Variants in PRKN observed in about 807,000 individuals in gnomAD.
PRKN encodes E3 ubiquitin-protein ligase parkin.
PRKN carries 56 observed loss-of-function variants against 59.5 expected under a neutral mutation model. The observed-to-expected ratio is 0.94, with a 90% CI of 0.76 to 1.18. The LOEUF is 1.18. Among genes scored for constraint, PRKN ranks in the 50% most tolerant of loss-of-function variants. The probability of loss-of-function intolerance (pLI) is 0.00; values close to 1 mark genes in which losing one functional copy is unlikely to be tolerated. For missense variants in PRKN, 657 were observed against 596.4 expected (o/e 1.10, Z -1.06); for synonymous variants, 250 against 222.1 (o/e 1.13, Z -1.12).
At chr6:161,591,014 T>C (rs1213227873) in intron 7 of PRKN, among the ~76,000 whole-genome samples, 4 of 152,172 alleles carry the variant, frequency 2.6e-5, no homozygotes, top group Admixed American at 6.5e-5. Context: ...TCAATGCTAA[T>C]TTCCTGACTT....
chr6:162,234,030 A>C (rs957906292), intron 3 of PRKN, among the ~76,000 whole-genome samples: 4 of 152,246 alleles, frequency 2.6e-5, no homozygotes, highest in African/African-American at 9.6e-5. Flanking sequence ...AGAGTTGATG[A>C]CAAAAATAAA....
At chr6:161,615,547 A>G (rs1782661756) in intron 7 of PRKN, among the ~76,000 whole-genome samples, 1 of 152,194 alleles carries the variant, frequency 6.6e-6, no homozygotes, top group South Asian at 2.1e-4. Flanking sequence ...TAAACTACCA[A>G]TGCATCCAAC....
At chr6:162,341,951 G>A (rs776029332) in intron 2 of PRKN, among the ~76,000 whole-genome samples, 4 of 151,212 alleles carry the variant, frequency 2.6e-5, no homozygotes, top group Non-Finnish European at 5.9e-5. Context: ...AAAGTCAAAT[G>A]TTCTTCTAAA....
chr6:162,234,505 A>T (rs1028210871), intron 3 of PRKN, among the ~76,000 whole-genome samples: 2 of 152,148 alleles, frequency 1.3e-5, no homozygotes, highest in Admixed American at 1.3e-4. Context: ...GCCCATGGAT[A>T]CGACGGTCTG....
At position 162,553,542 on chromosome 6, in the gene PRKN, CAAA is replaced by C. The variant is rs57807120; in HGVS notation, c.8-110072_8-110070del. On this transcript the variant is annotated intron_variant, in intron 1 of 11. Coordinates refer to ENST00000366898, the MANE Select transcript of PRKN (RefSeq NM_004562.3). ...CTCGGTTTACCCAAATGTTTACTAC[CAAA>C]AAAAAAAAAAAACACCCTAAAGCTT... is the stretch of plus-strand genomic sequence containing the variant. Among the ~76,000 whole-genome samples the C allele has an allele frequency of 8.7e-5, 10 of 114,550 alleles. No homozygotes were observed. In the Admixed American group the frequency reaches 9.2e-4, roughly 10 times the overall value. The allele number at this position is 114,550 out of a possible 152,430, so 75.1% of individuals were successfully genotyped here.
chr6:162,707,411 C>G (rs552576018), intron 1 of PRKN, among the ~76,000 whole-genome samples: 1 of 152,246 alleles, frequency 6.6e-6, no homozygotes, highest in East Asian at 1.9e-4. Flanking sequence ...AAAATATGTT[C>G]AGTCTACTGT....
chr6:161,892,586 A>G (rs1405421273), intron 6 of PRKN, among the ~76,000 whole-genome samples: 1 of 151,684 alleles, frequency 6.6e-6, no homozygotes, highest in Non-Finnish European at 1.5e-5. Context: ...AACTACAGCA[A>G]GTTTGTTTTC....
At chr6:162,180,092 T>G (rs1053390804) in intron 4 of PRKN, among the ~76,000 whole-genome samples, 1 of 151,660 alleles carries the variant, frequency 6.6e-6, no homozygotes, top group African/African-American at 2.4e-5. Flanking sequence ...TAGGTGAAAT[T>G]CATTGTAAAG....
At position 161,373,411 on chromosome 6, in the gene PRKN, T is replaced by C. The variant is rs944384348; in HGVS notation, c.1168-13206A>G. Among the ~76,000 whole-genome samples the C allele has an allele frequency of 1.3e-5, 2 of 152,080 alleles. No individual in the cohort carries two copies. Among genetic ancestry groups the C allele is most frequent in the African/African-American group, 4.8e-5 (2 of 41,424 alleles). On this transcript the variant is annotated intron_variant, in intron 10 of 11. Transcript: ENST00000366898. The surrounding 1 kb of genome is among the most constrained non-coding windows in gnomAD (Gnocchi z 4.8). ...TCAAGCCCCCTCTGCTTGTCTTGGATTCCTCAGACACGGGTGGGAACACCT... is the reference window on the plus strand; with the variant it reads ...TCAAGCCCCCTCTGCTTGTCTTGGACTCCTCAGACACGGGTGGGAACACCT...
At chr6:162,028,150 A>G (rs1452074414) in intron 5 of PRKN, among the ~76,000 whole-genome samples, 7 of 152,134 alleles carry the variant, frequency 4.6e-5, no homozygotes, top group African/African-American at 1.7e-4. Flanking sequence ...GCCAGGTGTT[A>G]TAAAAACTTG....
rs1781140885 is a variant in PRKN at position 162,588,091 on chromosome 6, ACCT to A, written c.7+139568_7+139570del. Among the ~76,000 whole-genome samples the A allele has an allele frequency of 2.0e-5, 3 of 150,576 alleles. No homozygotes were observed. The South Asian group carries it at 6.4e-4, about 32-fold the overall frequency. ...AGTGGCACTATCTTGGCTCACTGCA[ACCT>A]CCGCTTCCTGGGTTCAAGCAATTCT... is the stretch of plus-strand genomic sequence containing the variant. On this transcript the variant is annotated intron_variant, in intron 1 of 11. Coordinates refer to ENST00000366898, the MANE Select transcript of PRKN (RefSeq NM_004562.3).
chr6:161,578,851 T>C lies in PRKN; in HGVS notation c.872-9435A>G, dbSNP rs1379205457. On this transcript the variant is annotated intron_variant, in intron 7 of 11. Transcript: ENST00000366898. This position sits in a 1 kb window ranked among gnomAD's most constrained non-coding sequence, Gnocchi z 4.2. ...CATTACAATGTCAAAACAACTTAAA[T>C]ATTTTGAATTGTGTGTATATTCTTG... Among the ~76,000 whole-genome samples, 2 of 152,260 alleles carry C rather than the reference T, an allele frequency of 1.3e-5. No individual in the cohort carries two copies. The highest frequency in any genetic ancestry group is 1.5e-5 in the Non-Finnish European group (1 of 68,048).
In PRKN at chr6:161,355,590, G is replaced by C. The variant is rs534406539; in HGVS notation, c.1285+4498C>G. Reference sequence around the variant, plus strand: ...CTATTTTTTTTTTGTATTTTTACTAGAGACAGGGTTTCACCATGTTAGTCA... The same window carrying C: ...CTATTTTTTTTTTGTATTTTTACTACAGACAGGGTTTCACCATGTTAGTCA... On this transcript the variant is annotated intron_variant, in intron 11 of 11. Transcript: ENST00000366898. This position sits in a 1 kb window ranked among gnomAD's most constrained non-coding sequence, Gnocchi z 6.8. Among the ~76,000 whole-genome samples the C allele has an allele frequency of 1.3e-5, 2 of 151,940 alleles. No homozygotes were observed. Among genetic ancestry groups the C allele is most frequent in the Middle Eastern group, 6.8e-3 (2 of 294 alleles).
chr6:161,514,706 A>G (rs1778520688), intron 9 of PRKN, among the ~76,000 whole-genome samples: 1 of 152,142 alleles, frequency 6.6e-6, no homozygotes, highest in Non-Finnish European at 1.5e-5. Flanking sequence ...GACTAGGTCC[A>G]GGGAAAGGGG....
intron 6 of PRKN, among the ~76,000 whole-genome samples, chr6:161,799,344 A>G (rs1397374967): frequency 6.6e-6 from 1 of 152,224 alleles, no homozygotes; most frequent in Non-Finnish European, 1.5e-5. Context: ...ACAGGGACAA[A>G]AGCGAGGCAA....
At chr6:162,118,982 A>G (rs115179630) in intron 4 of PRKN, among the ~76,000 whole-genome samples, 1,531 of 152,304 alleles carry the variant, frequency 0.01, 23 homozygotes, top group African/African-American at 0.035. Flanking sequence ...CGTTCAAAAT[A>G]GCTGGTTGAA....
chr6:161,627,216 T>C (rs1028867205), intron 7 of PRKN, among the ~76,000 whole-genome samples: 1 of 152,220 alleles, frequency 6.6e-6, no homozygotes, highest in Admixed American at 6.5e-5. Flanking sequence ...GCTAAGATGA[T>C]CTTACCAATA....
chr6:161,619,670 A>G (rs1782821052), intron 7 of PRKN, among the ~76,000 whole-genome samples: 1 of 152,122 alleles, frequency 6.6e-6, no homozygotes, highest in Admixed American at 6.5e-5. Context: ...GTAGCCCTTG[A>G]CTTGAATTGG....
chr6:162,223,932 C>T (rs1037147416), intron 3 of PRKN, among the ~76,000 whole-genome samples: 6 of 151,920 alleles, frequency 3.9e-5, no homozygotes, highest in Non-Finnish European at 7.4e-5. Context: ...TTTTAAAGGA[C>T]AGGGAATGAA....
Sources: allele counts gnomAD v4.1 joint callset (sites outside exome capture counted in the v4.1 genomes callset), GRCh38; gene constraint gnomAD v4.1.1; non-coding constraint Gnocchi (gnomAD v3.1); transcripts MANE v1.5; gene names NCBI Gene and HGNC (gene_info 2026-07-23, HGNC 2026-07-21).